Variants in ITGAE observed in about 807,000 individuals in gnomAD.
ITGAE encodes the protein integrin subunit alpha E, also known as integrin alpha-E.
In ITGAE, 99 loss-of-function variants were observed where a neutral mutation model predicts 136.5. That is an observed-to-expected ratio of 0.73 (90% confidence interval 0.62 to 0.86). ITGAE has a LOEUF of 0.86. Among genes scored for constraint, ITGAE ranks in the 40% least tolerant of loss-of-function variants. ITGAE has a pLI of 0.00. For synonymous variants in ITGAE, 613 were observed against 591.8 expected (o/e 1.04, Z -0.52); for missense variants, 1,447 against 1,515.3 (o/e 0.95, Z 0.75).
chr17:3,747,381 G>T (rs2051741502), intron 17 of ITGAE, among the ~76,000 whole-genome samples: 1 of 151,904 alleles, frequency 6.6e-6, no homozygotes, highest in African/African-American at 2.4e-5. Context: ...GCAGTGGTGC[G>T]ATCTCAGCTC....
intron 30 of ITGAE, among the ~76,000 whole-genome samples, chr17:3,716,125 C>T (rs1363324020): frequency 3.3e-5 from 5 of 151,246 alleles, no homozygotes; most frequent in Admixed American, 2.6e-4. Flanking sequence ...GAGCCGAGAT[C>T]GCACCACCGC....
intron 29 of ITGAE, chr17:3,717,531 C>T (rs1429387239): frequency 6.6e-6 from 1 of 152,184 alleles, no homozygotes; most frequent in African/African-American, 2.4e-5. Flanking sequence ...CCAGGTATGG[C>T]CCTTCCAAGT....
At chr17:3,742,263 C>G (rs189415435) in intron 19 of ITGAE, among the ~76,000 whole-genome samples, 1 of 152,248 alleles carries the variant, frequency 6.6e-6, no homozygotes, top group Non-Finnish European at 1.5e-5. Flanking sequence ...CTGTAGAACG[C>G]TATGAATGAT....
intron 19 of ITGAE, among the ~76,000 whole-genome samples, 160 bp downstream of exon 19, chr17:3,743,329 C>A (rs986830553): frequency 1.4e-4 from 21 of 152,232 alleles, no homozygotes; most frequent in African/African-American, 4.8e-4. Context: ...ACATTAACAC[C>A]ATCTCAGGGA....
intron 20 of ITGAE, among the ~76,000 whole-genome samples, chr17:3,735,788 G>A (rs1212540970): frequency 6.6e-6 from 1 of 152,146 alleles, no homozygotes; most frequent in Non-Finnish European, 1.5e-5. Flanking sequence ...CAAGGACTGC[G>A]TCTCACACGC....
intron 23 of ITGAE, among the ~76,000 whole-genome samples, chr17:3,730,006 A>G (rs1196335751): frequency 6.6e-6 from 1 of 152,176 alleles, no homozygotes; most frequent in Non-Finnish European, 1.5e-5. Context: ...TACTAAGCCC[A>G]ACACGCATTA....
chr17:3,782,862 A>T (rs768220012), intron 1 of ITGAE, among the ~76,000 whole-genome samples: 2 of 152,180 alleles, frequency 1.3e-5, no homozygotes, highest in Non-Finnish European at 2.9e-5. Flanking sequence ...GACATTTGAC[A>T]TCGCACTCTC....
chr17:3,775,746 A>G (rs889182114), intron 2 of ITGAE, among the ~76,000 whole-genome samples: 2 of 152,098 alleles, frequency 1.3e-5, no homozygotes, highest in East Asian at 3.9e-4. Context: ...CTGGGATTAC[A>G]GGTGTGAGCC....
intron 26 of ITGAE, chr17:3,724,334 C>G (rs752908439): frequency 5.7e-6 from 9 of 1,590,918 alleles, no homozygotes; most frequent in Non-Finnish European, 7.7e-6. Flanking sequence ...GCGGCCCGCT[C>G]CGACTTCCGC....
chr17:3,788,456 A>ATTTT (rs71155804), intron 1 of ITGAE, among the ~76,000 whole-genome samples: 5 of 103,240 alleles, frequency 4.8e-5, no homozygotes, highest in East Asian at 2.7e-4. Flanking sequence ...GACCTGACTA[A>ATTTT]TTTTTTTTTT....
rs991803204 is a variant in ITGAE, at chr17:3,734,224, T to C, written c.2655+593A>G. On this transcript the variant is annotated intron_variant, in intron 21 of 30. Transcript: ENST00000263087. ...TAGCTGGGACTACAGGCACCCGCCA[T>C]CGCGCCCAGCTAATTTTTTTTTGTA... is the stretch of plus-strand genomic sequence containing the variant. Among the ~76,000 whole-genome samples the C allele has an allele frequency of 2.7e-3, 310 of 116,368 alleles. 1 individual carries two copies. The highest frequency in any genetic ancestry group is 0.011 in the African/African-American group (274 of 25,534). The allele number at this position is 116,368 out of a possible 152,430, so 76.3% of individuals were successfully genotyped here. A position where few individuals can be genotyped will look rare whatever the true frequency, so the allele number is the denominator to read the frequency against.
chr17:3,723,438 T>C (rs769003063), intron 27 of ITGAE, 55 bp from the exon 28 acceptor site: 251 of 1,302,288 alleles, frequency 1.9e-4, no homozygotes, highest in Non-Finnish European at 2.7e-4. Context: ...AAGTCTGAAA[T>C]CTTTTTAACA....
chr17:3,716,648 C>G (rs780561785), intron 30 of ITGAE, 40 bp downstream of exon 30: 2 of 1,213,930 alleles, frequency 1.6e-6, no homozygotes, highest in South Asian at 2.4e-5. Flanking sequence ...AAAACTAGAG[C>G]CCAGTCTTCC....
chr17:3,777,658 G>T lies in ITGAE; in HGVS notation c.37C>A (p.Leu13Met). 1 of 1,607,764 alleles carries T rather than the reference G, an allele frequency of 6.2e-7. No individual in the cohort carries two copies. Among genetic ancestry groups the T allele is most frequent in the Non-Finnish European group, 8.5e-7 (1 of 1,177,324 alleles). Residue 13 changes from leucine (L) to methionine (M), a missense_variant and splice_region_variant, in exon 2 of 31, where the codon CTG becomes ATG. Around this residue, in one of 3 missense-constraint regions of ITGAE, gnomAD observed 106 missense variants for 87.8 expected, o/e 1.21. Transcript: ENST00000263087. ...LFHTLLCIAS[L>M]ALLAAFNVDV... ...ACATTGAAAGCGGCCAGCAGGGCCA[G>T]GCCTGTAGGGAAAAGAGGAGCGTTT...
At chr17:3,791,706 A>C (rs1851990744) in intron 1 of ITGAE, among the ~76,000 whole-genome samples, 1 of 152,178 alleles carries the variant, frequency 6.6e-6, no homozygotes, top group Non-Finnish European at 1.5e-5. Context: ...ATCTTGTTAA[A>C]ATGCAGATTC....
chr17:3,744,230 T>C (rs2051659099), intron 18 of ITGAE, among the ~76,000 whole-genome samples: 1 of 152,060 alleles, frequency 6.6e-6, no homozygotes, highest in African/African-American at 2.4e-5. Flanking sequence ...ATAAAAGTGG[T>C]GAGTCAGAAG....
chr17:3,726,612 G>T, intron 26 of ITGAE: 1 of 398,838 alleles, frequency 2.5e-6, no homozygotes, highest in Non-Finnish European at 4.5e-6. Flanking sequence ...AGGATCGCTT[G>T]AGCCCAAGAG....
chr17:3,785,047 G>A (rs2052751567), intron 1 of ITGAE, among the ~76,000 whole-genome samples: 1 of 152,182 alleles, frequency 6.6e-6, no homozygotes, highest in South Asian at 2.1e-4. Context: ...AGCTACTCAG[G>A]AGGCTGAGGT....
chr17:3,743,250 G>C (rs1397972459), intron 19 of ITGAE, among the ~76,000 whole-genome samples: 1 of 152,212 alleles, frequency 6.6e-6, no homozygotes, highest in African/African-American at 2.4e-5. Flanking sequence ...TGAACATAAA[G>C]ACATAAAGGA....
Sources: gnomAD v4.1 joint callset for allele counts (sites outside exome capture counted in the v4.1 genomes callset) on GRCh38, gnomAD v4.1.1 for gene constraint, gnomAD v4.1.1 regional missense constraint, MANE v1.5 for transcripts, NCBI Gene and HGNC (gene_info 2026-07-23, HGNC 2026-07-21) for gene names.